PPM1E: variants seen among roughly 807,000 people sequenced by gnomAD.
The protein encoded by PPM1E is protein phosphatase, Mg2+/Mn2+ dependent 1E.
Under a neutral mutation model 65.9 loss-of-function variants are expected in PPM1E, and 20 were observed. That is an observed-to-expected ratio of 0.30 (90% CI 0.21 to 0.44). The LOEUF (loss-of-function observed/expected upper bound fraction) is 0.44. Among genes scored for constraint, PPM1E ranks in the 20% least tolerant of loss-of-function variants. The pLI is 1.00. For missense variants in PPM1E, 713 were observed against 953.1 expected, an observed-to-expected ratio of 0.75 and a Z score of 3.32; for synonymous variants, 352 against 374.9, an observed-to-expected ratio of 0.94 and a Z score of 0.70.
chr17:58,812,996 A>G (rs2050384112), intron 1 of PPM1E, among the ~76,000 whole-genome samples: 1 of 152,230 alleles, frequency 6.6e-6, no homozygotes, highest in South Asian at 2.1e-4. Flanking sequence ...AGGCCCAAAC[A>G]GTGATACATG....
At position 58,980,818 on chromosome 17, in the gene PPM1E, A is replaced by G; in HGVS notation, c.2055A>G (p.Pro685=). ...SKKWHRFRFN[P]KFYSFLSAQE... is the part of the protein sequence containing the mutation. Reference sequence around the variant, plus strand: ...AGTGGCACAGATTCAGGTTTAATCCAAAGTTTTATTCATTTCTCTCTGCTC... The same window carrying G: ...AGTGGCACAGATTCAGGTTTAATCCGAAGTTTTATTCATTTCTCTCTGCTC... Residue 685 remains proline (P), a synonymous_variant, in exon 7 of 7, where the codon CCA becomes CCG. Coordinates refer to ENST00000308249, the MANE Select transcript of PPM1E (RefSeq NM_014906.5). This position sits in a 1 kb window ranked among gnomAD's most constrained non-coding sequence, Gnocchi z 4.7. 1 of 1,614,220 alleles carries G rather than the reference A, an allele frequency of 6.2e-7. No homozygotes were observed. The highest frequency in any genetic ancestry group is 8.5e-7 in the Non-Finnish European group (1 of 1,180,024).
chr17:58,885,360 A>G (rs1293779660), intron 1 of PPM1E, among the ~76,000 whole-genome samples: 1 of 152,210 alleles, frequency 6.6e-6, no homozygotes, highest in Non-Finnish European at 1.5e-5. Flanking sequence ...CCCAGCCAAC[A>G]ATCTTATTTT....
chr17:58,979,876 A>T (rs2031261617), intron 6 of PPM1E, 98 bp from the exon 7 acceptor site: 1 of 937,574 alleles, frequency 1.1e-6, no homozygotes, highest in Non-Finnish European at 1.6e-6. Context: ...TTCACAATCC[A>T]GTAAGCTGTG....
chr17:58,788,324 T>C (rs2050123307), intron 1 of PPM1E, among the ~76,000 whole-genome samples: 1 of 152,212 alleles, frequency 6.6e-6, no homozygotes. Context: ...GTGCTGGGTC[T>C]GTATAAACTC....
chr17:58,765,568 TAATG>T (rs2049866055), intron 1 of PPM1E, among the ~76,000 whole-genome samples: 1 of 152,156 alleles, frequency 6.6e-6, no homozygotes, highest in Non-Finnish European at 1.5e-5. Flanking sequence ...ATATGAAGAG[TAATG>T]AACTGTTTAA....
rs538180677 is a variant in PPM1E at position 58,772,555 on chromosome 17, A to G, written c.464+16094A>G. Reference sequence around the variant, plus strand: ...GATTTTGGAAGGGGACACTTAAATTAGGTTTAGAAGACTCAATAAGAATTA... The same window carrying G: ...GATTTTGGAAGGGGACACTTAAATTGGGTTTAGAAGACTCAATAAGAATTA... On this transcript the variant is annotated intron_variant, in intron 1 of 6. Transcript: ENST00000308249. Among the ~76,000 whole-genome samples the G allele has an allele frequency of 1.6e-4, 24 of 152,334 alleles. No individual in the cohort carries two copies. In the South Asian group the frequency reaches 5.0e-3, roughly 32 times the overall value.
At chr17:58,873,222 A>G (rs1456816735) in intron 1 of PPM1E, among the ~76,000 whole-genome samples, 3 of 152,152 alleles carry the variant, frequency 2.0e-5, no homozygotes, top group Admixed American at 6.6e-5. Flanking sequence ...TTTAGGAATT[A>G]CCTTCTGATG....
intron 1 of PPM1E, among the ~76,000 whole-genome samples, chr17:58,918,805 C>CAAAAAAAAAAAAAAAAAAAAAAAAA (rs71143301): frequency 1.3e-5 from 1 of 75,818 alleles, no homozygotes; most frequent in East Asian, 4.7e-4. Flanking sequence ...GACTCCGTCT[C>CAAAAAAAAAAAAAAAAAAAAAAAAA]AAAAAAAAAA....
intron 1 of PPM1E, among the ~76,000 whole-genome samples, chr17:58,775,197 A>G (rs868472258): frequency 9.2e-5 from 14 of 152,222 alleles, no homozygotes; most frequent in Non-Finnish European, 1.8e-4. Context: ...AATGTTTAAA[A>G]TAATGCTTGT....
intron 1 of PPM1E, among the ~76,000 whole-genome samples, chr17:58,787,917 A>G (rs954636308): frequency 5.3e-5 from 8 of 151,594 alleles, no homozygotes; most frequent in Non-Finnish European, 1.2e-4. Context: ...AAAAAAAAAA[A>G]AAAAGAAAAG....
chr17:58,918,509 T>C (rs536207675), intron 1 of PPM1E, among the ~76,000 whole-genome samples: 2 of 152,258 alleles, frequency 1.3e-5, no homozygotes, highest in African/African-American at 4.8e-5. Context: ...CAAATATAGC[T>C]TTTTAAAATA....
At chr17:58,955,113 C>T (rs1276305653) in intron 1 of PPM1E, among the ~76,000 whole-genome samples, 7 of 152,174 alleles carry the variant, frequency 4.6e-5, no homozygotes, top group African/African-American at 1.7e-4. Flanking sequence ...GCCTGTAATC[C>T]CAGCACTTTG....
At chr17:58,803,661 C>A (rs1238009920) in intron 1 of PPM1E, among the ~76,000 whole-genome samples, 2 of 152,168 alleles carry the variant, frequency 1.3e-5, no homozygotes, top group African/African-American at 4.8e-5. Context: ...TGTCTCCAGC[C>A]AGATGTCCCC....
chr17:58,930,130 T>A, intron 1 of PPM1E, among the ~76,000 whole-genome samples: 1 of 152,012 alleles, frequency 6.6e-6, no homozygotes, highest in Non-Finnish European at 1.5e-5. Context: ...GCGCGGTGGC[T>A]CATGTCTGTA....
intron 1 of PPM1E, among the ~76,000 whole-genome samples, chr17:58,879,662 C>A (rs1470659683): frequency 1.3e-5 from 2 of 151,862 alleles, no homozygotes; most frequent in African/African-American, 4.8e-5. Flanking sequence ...GCGCCCACCA[C>A]CACGCCTGGC....
intron 1 of PPM1E, among the ~76,000 whole-genome samples, chr17:58,910,331 C>G: frequency 6.6e-6 from 1 of 152,110 alleles, no homozygotes; most frequent in Non-Finnish European, 1.5e-5. Flanking sequence ...TTTTTTATCT[C>G]TAGCATTCAT....
In PPM1E at chr17:58,981,079, C is replaced by A; in HGVS notation, c.*48C>A. The A allele has an allele frequency of 2.3e-6, 3 of 1,304,964 alleles. No homozygotes were observed. Among genetic ancestry groups the A allele is most frequent in the Non-Finnish European group, 3.2e-6 (3 of 941,088 alleles). 80.8% of individuals were successfully genotyped at this position (1,304,964 alleles called of 1,614,324 possible). A position where few individuals can be genotyped will look rare whatever the true frequency, so the allele number is the denominator to read the frequency against. ...TAGCTCTCCCCCAATAAAAATACCA[C>A]TATCAGAGTAGAAACAAGGTAGACA... is the stretch of plus-strand genomic sequence containing the variant. On this transcript the variant is annotated 3_prime_UTR_variant, in exon 7 of 7. Coordinates refer to ENST00000308249, the MANE Select transcript of PPM1E (RefSeq NM_014906.5).
intron 1 of PPM1E, among the ~76,000 whole-genome samples, chr17:58,761,594 T>A (rs2049821352): frequency 6.6e-6 from 1 of 152,218 alleles, no homozygotes; most frequent in Non-Finnish European, 1.5e-5. Flanking sequence ...AGTATATTTT[T>A]CCCTCTGCTT....
At chr17:58,877,967 T>C (rs1353739197) in intron 1 of PPM1E, among the ~76,000 whole-genome samples, 1 of 151,398 alleles carries the variant, frequency 6.6e-6, no homozygotes, top group African/African-American at 2.4e-5. Context: ...AGTGAAGCTG[T>C]TCTTTAAAAA....
Sources: allele counts gnomAD v4.1 joint callset (sites outside exome capture counted in the v4.1 genomes callset), GRCh38; gene constraint gnomAD v4.1.1; non-coding constraint Gnocchi (gnomAD v3.1); transcripts MANE v1.5; gene names NCBI Gene and HGNC (gene_info 2026-07-23, HGNC 2026-07-21).